Variants in NELL1 observed in about 807,000 individuals in gnomAD.
NELL1 encodes protein kinase C-binding protein NELL1.
NELL1 carries 76 observed loss-of-function variants against 107.4 expected under a neutral mutation model. That is an observed-to-expected ratio of 0.71 (90% CI 0.59 to 0.86). The LOEUF (loss-of-function observed/expected upper bound fraction) is 0.86, where lower values mean the gene tolerates loss of function less well. NELL1 is among the 40% of genes least tolerant of loss of function. NELL1 has a pLI of 0.00. For synonymous variants in NELL1, 353 were observed against 341.2 expected (o/e 1.03, Z -0.38); for missense variants, 1,024 against 1,005.5 (o/e 1.02, Z -0.25).
chr11:20,993,600 G>A (rs2134261683), intron 12 of NELL1, among the ~76,000 whole-genome samples: 1 of 152,238 alleles, frequency 6.6e-6, no homozygotes, highest in South Asian at 2.1e-4. Context: ...GGATGTTCAA[G>A]TCTTGGACAT....
At chr11:20,868,913 C>T (rs1282065360) in intron 4 of NELL1, among the ~76,000 whole-genome samples, 1 of 152,100 alleles carries the variant, frequency 6.6e-6, no homozygotes, top group African/African-American at 2.4e-5. Flanking sequence ...GCAAAAGTAG[C>T]ATTTTCAAGA....
intron 13 of NELL1, among the ~76,000 whole-genome samples, chr11:21,134,463 G>A (rs1221270763): frequency 4.6e-5 from 7 of 152,190 alleles, no homozygotes; most frequent in Non-Finnish European, 8.8e-5. Context: ...CTGGGGATGA[G>A]AGCTCTTGAA....
chr11:21,042,703 A>T (rs1853265457), intron 12 of NELL1, among the ~76,000 whole-genome samples: 2 of 152,104 alleles, frequency 1.3e-5, no homozygotes, highest in African/African-American at 4.8e-5. Flanking sequence ...GTACTTTGCC[A>T]TACTGACCTG....
At chr11:20,963,398 T>C (rs1851327943) in intron 12 of NELL1, among the ~76,000 whole-genome samples, 2 of 152,148 alleles carry the variant, frequency 1.3e-5, no homozygotes, top group Non-Finnish European at 2.9e-5. Context: ...TGGCCATCAC[T>C]GCTTTGGGCT....
chr11:20,863,436 CTGCTGGGCGG>C, intron 4 of NELL1, among the ~76,000 whole-genome samples: 1 of 103,816 alleles, frequency 9.6e-6, no homozygotes, highest in Non-Finnish European at 2.2e-5. Flanking sequence ...GAAGGGGTGG[CTGCTGGGCGG>C]AGGGGCTCCT....
chr11:21,263,078 T>C (rs1312173246), intron 14 of NELL1, among the ~76,000 whole-genome samples: 1 of 151,922 alleles, frequency 6.6e-6, no homozygotes, highest in Non-Finnish European at 1.5e-5. Context: ...CATAGCATAC[T>C]CTGTTTCATG....
Position 21,113,692 on chromosome 11 carries a change from T to G in NELL1, c.1404T>G (p.Arg468=), listed in dbSNP as rs185140440. 6.2e-7 allele frequency: 1 copy of G among 1,611,978 alleles called. No homozygotes were observed. The highest frequency in any genetic ancestry group is 1.7e-5 in the Admixed American group (1 of 59,868). ...GTGACTGTGTCCCAGGATACATTCG[T>G]GTGGATGACTTCTCTTGTACAGGTG... is the stretch of plus-strand genomic sequence containing the variant. The part of the protein sequence containing the change: ...YRCDCVPGYI[R]VDDFSCTEHD... The change falls in exon 13 of 20, where the codon CGT becomes CGG. Residue 468 remains arginine (R), a synonymous_variant. Transcript: ENST00000357134.
At chr11:21,399,343 T>C (rs1010391009) in intron 15 of NELL1, among the ~76,000 whole-genome samples, 1 of 151,734 alleles carries the variant, frequency 6.6e-6, no homozygotes, top group African/African-American at 2.4e-5. Context: ...GCTATTTAGG[T>C]ATTGCAATGT....
chr11:21,133,959 G>A (rs1178025191), intron 13 of NELL1, among the ~76,000 whole-genome samples: 1 of 152,230 alleles, frequency 6.6e-6, no homozygotes, highest in African/African-American at 2.4e-5. Flanking sequence ...CGTAGCCCCA[G>A]CCATGCCTCC....
chr11:21,362,781 G>A (rs1180496514), intron 14 of NELL1, among the ~76,000 whole-genome samples: 1 of 151,724 alleles, frequency 6.6e-6, no homozygotes. Context: ...TACCAGGGTG[G>A]GTAGATAAAT....
At position 21,396,855 on chromosome 11, in the gene NELL1, T is replaced by A. The variant is rs1029183515; in HGVS notation, c.1645+25907T>A. On this transcript the variant is annotated intron_variant, in intron 15 of 19. Transcript: ENST00000357134. ...CAGAGAGAATGCCATAAAAAAAAAA[T>A]TGCAGCATGAGACTGTACGTAACAC... 2.6e-5 allele frequency among the ~76,000 whole-genome samples: 4 copies of A among 151,296 alleles called. No individual in the cohort carries two copies. The East Asian group carries it at 5.9e-4, about 22-fold the overall frequency.
chr11:21,569,170 T>C (rs895498694), intron 17 of NELL1, among the ~76,000 whole-genome samples: 3 of 151,636 alleles, frequency 2.0e-5, no homozygotes, highest in Admixed American at 6.6e-5. Context: ...GTATGTGTAG[T>C]ATGTCAGTGA....
At chr11:21,103,865 T>C (rs1854883066) in intron 12 of NELL1, among the ~76,000 whole-genome samples, 1 of 152,226 alleles carries the variant, frequency 6.6e-6, no homozygotes, top group African/African-American at 2.4e-5. Context: ...TAGCCTCTTC[T>C]TTCTCTTGTA....
At chr11:21,384,940 AT>A in intron 15 of NELL1, among the ~76,000 whole-genome samples, 1 of 150,104 alleles carries the variant, frequency 6.7e-6, no homozygotes, top group East Asian at 2.0e-4. Context: ...TTTTATTACA[AT>A]TTTTTAATGT....
chr11:20,816,215 C>A (rs545677676), intron 3 of NELL1, among the ~76,000 whole-genome samples: 1 of 152,198 alleles, frequency 6.6e-6, no homozygotes, highest in African/African-American at 2.4e-5. Context: ...TTAGGAATAG[C>A]GTTGAATCTG....
chr11:20,723,568 TGGAGG>T (rs1855441252), intron 2 of NELL1, among the ~76,000 whole-genome samples: 2 of 152,148 alleles, frequency 1.3e-5, no homozygotes, highest in Non-Finnish European at 2.9e-5. Flanking sequence ...CGTGAAGCTC[TGGAGG>T]GTACAGCCCC....
chr11:20,913,528 C>A (rs1266377340), intron 5 of NELL1, among the ~76,000 whole-genome samples: 1 of 151,902 alleles, frequency 6.6e-6, no homozygotes, highest in African/African-American at 2.4e-5. Context: ...GAGAAACGTT[C>A]TAGGAATAAT....
chr11:21,494,163 A>C (rs2133921153), intron 15 of NELL1, among the ~76,000 whole-genome samples: 1 of 152,008 alleles, frequency 6.6e-6, no homozygotes, highest in East Asian at 1.9e-4. Flanking sequence ...GTAGTGATCT[A>C]ATGTTTCTAT....
chr11:21,494,133 G>A (rs1046615471), intron 15 of NELL1, among the ~76,000 whole-genome samples: 1 of 151,834 alleles, frequency 6.6e-6, no homozygotes, highest in Non-Finnish European at 1.5e-5. Context: ...ATTTTTAGTA[G>A]GTAGGTCTTG....
Sources: gnomAD v4.1 joint callset for allele counts (sites outside exome capture counted in the v4.1 genomes callset) on GRCh38, gnomAD v4.1.1 for gene constraint, MANE v1.5 for transcripts, NCBI Gene and HGNC (gene_info 2026-07-23, HGNC 2026-07-21) for gene names.